The following SORCS2 variants were observed in gnomAD, a reference collection of about 807,000 sequenced individuals.
SORCS2 encodes the protein sortilin related VPS10 domain containing receptor 2.
In SORCS2, 100 loss-of-function variants were observed where a neutral mutation model predicts 141.6. The ratio of observed to expected loss-of-function variants is 0.71; its 90% CI spans 0.60 to 0.83. The LOEUF (loss-of-function observed/expected upper bound fraction) is 0.83. SORCS2 is among the 40% of genes least tolerant of loss of function. The pLI is 0.00. For synonymous variants in SORCS2, 789 were observed against 676.9 expected (o/e 1.17, Z -2.57); for missense variants, 1,646 against 1,560.2 (o/e 1.05, Z -0.93).
At chr4:7,677,290 G>A (rs1723228596) in intron 9 of SORCS2, among the ~76,000 whole-genome samples, 1 of 152,168 alleles carries the variant, frequency 6.6e-6, no homozygotes, top group Non-Finnish European at 1.5e-5. Flanking sequence ...TTTCCATCTG[G>A]ATCCCTGCAG....
At chr4:7,602,835 C>T (rs961477854) in intron 3 of SORCS2, among the ~76,000 whole-genome samples, 20 of 152,300 alleles carry the variant, frequency 1.3e-4, no homozygotes, top group African/African-American at 1.9e-4. Flanking sequence ...TGTAGCCAAC[C>T]GAGATCACGC....
intron 2 of SORCS2, among the ~76,000 whole-genome samples, chr4:7,493,402 C>T (rs1171948842): frequency 1.3e-5 from 2 of 152,174 alleles, no homozygotes. Context: ...TGGAGGGGCA[C>T]AGCAGCTTCC....
intron 1 of SORCS2, among the ~76,000 whole-genome samples, chr4:7,304,966 C>T (rs1449340574): frequency 2.0e-5 from 3 of 151,922 alleles, no homozygotes; most frequent in Non-Finnish European, 2.9e-5. Flanking sequence ...GGGCTTCTGG[C>T]GGGGTGACAC....
intron 2 of SORCS2, among the ~76,000 whole-genome samples, chr4:7,513,742 C>G (rs1732802240): frequency 6.6e-6 from 1 of 152,208 alleles, no homozygotes; most frequent in South Asian, 2.1e-4. Context: ...AAATGACAGC[C>G]TTCCTTGGGA....
chr4:7,603,260 A>G (rs191809392), intron 3 of SORCS2, among the ~76,000 whole-genome samples: 2 of 152,142 alleles, frequency 1.3e-5, no homozygotes, highest in Admixed American at 1.3e-4. Flanking sequence ...AGATCACTCC[A>G]TATTTCCTAA....
intron 3 of SORCS2, among the ~76,000 whole-genome samples, chr4:7,632,502 G>T (rs1719957424): frequency 6.6e-6 from 1 of 152,042 alleles, no homozygotes; most frequent in Non-Finnish European, 1.5e-5. Context: ...GTCTTTCCTG[G>T]CTCACTCTCC....
intron 1 of SORCS2, among the ~76,000 whole-genome samples, chr4:7,361,850 G>C (rs1721601138): frequency 6.9e-6 from 1 of 144,044 alleles, no homozygotes; most frequent in Non-Finnish European, 1.5e-5. Context: ...GGTGCTCAGA[G>C]AAGCTTCTGA....
intron 1 of SORCS2, among the ~76,000 whole-genome samples, chr4:7,393,061 G>A (rs1198567984): frequency 2.6e-5 from 4 of 152,186 alleles, no homozygotes; most frequent in East Asian, 3.9e-4. Context: ...CGGCCGGGAG[G>A]ACGGGAGGCA....
chr4:7,516,309 C>T (rs7688464), intron 2 of SORCS2, among the ~76,000 whole-genome samples: 40,784 of 151,870 alleles, frequency 0.27, 6,010 homozygotes, highest in Middle Eastern at 0.41. Flanking sequence ...GACGGCAGGC[C>T]TCTTGCTCTT....
intron 1 of SORCS2, among the ~76,000 whole-genome samples, chr4:7,314,307 C>G (rs1034886736): frequency 2.6e-5 from 4 of 151,894 alleles, no homozygotes; most frequent in African/African-American, 9.7e-5. Context: ...CCCAGAGTTC[C>G]TAAGAAAATC....
At chr4:7,491,220 T>A (rs553831808) in intron 2 of SORCS2, among the ~76,000 whole-genome samples, 62 of 152,292 alleles carry the variant, frequency 4.1e-4, no homozygotes, top group African/African-American at 1.4e-3. Flanking sequence ...CACATGCTGT[T>A]CCCTTTGCCC....
In SORCS2 at chr4:7,335,415, T is replaced by C. The variant is rs541384366; in HGVS notation, c.481-60873T>C. 4.6e-5 allele frequency among the ~76,000 whole-genome samples: 7 copies of C among 152,262 alleles called. No individual in the cohort carries two copies. In the East Asian group the frequency reaches 7.8e-4, roughly 17 times the overall value. ...AAACATTTTGCAGAGAACCCAAACA[T>C]GGGAGAGGAATTCCTCCAGGCCCGA... On this transcript the variant is annotated intron_variant, in intron 1 of 26. Coordinates refer to ENST00000507866, the MANE Select transcript of SORCS2 (RefSeq NM_020777.3).
At chr4:7,481,005 TCTC>T (rs888869872) in intron 2 of SORCS2, among the ~76,000 whole-genome samples, 28 of 152,314 alleles carry the variant, frequency 1.8e-4, no homozygotes, top group African/African-American at 6.5e-4. Flanking sequence ...CTGAGGGGCT[TCTC>T]CTCCTAGACC....
intron 11 of SORCS2, among the ~76,000 whole-genome samples, chr4:7,690,254 TGATA>T (rs950442746): frequency 8.5e-6 from 1 of 117,470 alleles, no homozygotes; most frequent in Admixed American, 9.8e-5. Context: ...GATGCTGAAT[TGATA>T]GATGGATAGA....
intron 20 of SORCS2, among the ~76,000 whole-genome samples, chr4:7,726,072 G>A (rs1032202791): frequency 9.9e-5 from 15 of 152,138 alleles, no homozygotes; most frequent in South Asian, 2.1e-4. Context: ...TCCTGTCTCT[G>A]CGGCAACATG....
At chr4:7,469,607 C>A (rs1729848144) in intron 2 of SORCS2, among the ~76,000 whole-genome samples, 1 of 152,180 alleles carries the variant, frequency 6.6e-6, no homozygotes, top group Non-Finnish European at 1.5e-5. Context: ...AAGTCTCTTG[C>A]CAACAGATCC....
At chr4:7,613,366 G>A (rs16840662) in intron 3 of SORCS2, among the ~76,000 whole-genome samples, 8,200 of 152,334 alleles carry the variant, frequency 0.054, 250 homozygotes, top group South Asian at 0.087. Flanking sequence ...GGGGCTCTGC[G>A]TGGCCAGGTG....
At chr4:7,322,273 G>A (rs759688752) in intron 1 of SORCS2, among the ~76,000 whole-genome samples, 1 of 152,136 alleles carries the variant, frequency 6.6e-6, no homozygotes, top group Non-Finnish European at 1.5e-5. Context: ...AGAGGGGGCG[G>A]TGAGGATGAA....
Position 7,712,832 on chromosome 4 carries a change from C to G in SORCS2, c.1968C>G (p.Ser656=). Reference sequence around the variant, plus strand: ...AGTGCGGCGAGGAGGACTACAGCTCCTGGGAGCTCTCCAACCTGCAGGTGG... The same window carrying G: ...AGTGCGGCGAGGAGGACTACAGCTCGTGGGAGCTCTCCAACCTGCAGGTGG... ...SRQCGEEDYS[S]WELSNLQGDR... The change falls in exon 15 of 27, where the codon TCC becomes TCG. Residue 656 remains serine (S), a synonymous_variant. Transcript: ENST00000507866. 1 of 1,613,914 alleles carries G rather than the reference C, an allele frequency of 6.2e-7. No individual in the cohort carries two copies. Among genetic ancestry groups the G allele is most frequent in the African/African-American group, 1.3e-5 (1 of 75,048 alleles).
Sources: gnomAD v4.1 joint callset for allele counts (sites outside exome capture counted in the v4.1 genomes callset) on GRCh38, gnomAD v4.1.1 for gene constraint, MANE v1.5 for transcripts, NCBI Gene and HGNC (gene_info 2026-07-23, HGNC 2026-07-21) for gene names.